MORC2: variants seen among roughly 807,000 people sequenced by gnomAD.
MORC2 encodes ATPase MORC2.
MORC2 carries 30 observed loss-of-function variants against 136.0 expected under a neutral mutation model. The observed-to-expected ratio is 0.22, with a 90% CI of 0.17 to 0.30. The LOEUF (loss-of-function observed/expected upper bound fraction) is 0.30, where lower values mean the gene tolerates loss of function less well. MORC2 is among the 10% of genes least tolerant of loss of function. The pLI, the probability that MORC2 is intolerant of heterozygous loss-of-function variation, is 1.00. For missense variants in MORC2, 922 were observed against 1,333.1 expected (o/e 0.69, Z 4.80); for synonymous variants, 439 against 487.0 (o/e 0.90, Z 1.30).
intron 16 of MORC2, 63 bp downstream of exon 16, chr22:30,936,869 G>T: frequency 6.7e-7 from 1 of 1,490,896 alleles, no homozygotes; most frequent in South Asian, 1.2e-5. Context: ...CTGACCTCAA[G>T]AAACACAGTG....
chr22:30,961,133 G>A (rs2041039959), intron 1 of MORC2, among the ~76,000 whole-genome samples: 1 of 151,692 alleles, frequency 6.6e-6, no homozygotes, highest in Non-Finnish European at 1.5e-5. Context: ...GCCTCCCAAA[G>A]TGCTGGAATT....
intron 1 of MORC2, chr22:30,967,175 A>G: frequency 1.0e-6 from 1 of 985,520 alleles, no homozygotes; most frequent in Non-Finnish European, 1.2e-6. Flanking sequence ...ATTCCAGACC[A>G]TGTTGGAGTG....
chr22:30,959,917 A>G (rs553117562), intron 1 of MORC2, among the ~76,000 whole-genome samples: 14 of 152,308 alleles, frequency 9.2e-5, no homozygotes, highest in South Asian at 2.1e-4. Context: ...CTCCAGGAAT[A>G]TTGTTTTTTC....
In MORC2 at chr22:30,939,949, G is replaced by A. The variant is rs1030059573; in HGVS notation, c.987+10C>T. The A allele has an allele frequency of 1.4e-5, 22 of 1,612,928 alleles. No homozygotes were observed. Among genetic ancestry groups the A allele is most frequent in the Non-Finnish European group, 1.7e-5 (20 of 1,179,626 alleles). The stretch of plus-strand genomic sequence containing the variant: ...ACGCTGGAGAACAGCCGCCTGGGCC[G>A]GGACCTTACCCTGGAGTCCCGCGTG... On this transcript the variant is annotated intron_variant, in intron 11 of 25. Transcript: ENST00000397641.
chr22:30,950,335 T>TCGGGGGG, intron 4 of MORC2, 42 bp downstream of exon 4: 1 of 793,582 alleles, frequency 1.3e-6, no homozygotes, highest in South Asian at 1.4e-5. Flanking sequence ...AATGGTTACA[T>TCGGGGGG]CGCACCCCCC....
chr22:30,964,455 T>C (rs896064632), intron 1 of MORC2, among the ~76,000 whole-genome samples: 3 of 152,198 alleles, frequency 2.0e-5, no homozygotes, highest in African/African-American at 7.2e-5. Context: ...GCAGACATCT[T>C]ATATCTAAGC....
chr22:30,937,819 G>A lies in MORC2; in HGVS notation c.1365C>T (p.Ala455=). 1.2e-6 allele frequency: 2 copies of A among 1,614,138 alleles called. No individual in the cohort carries two copies. Among genetic ancestry groups the A allele is most frequent in the Non-Finnish European group, 8.5e-7 (1 of 1,180,030 alleles). ...CCAGCAGCCCAGCCCCATTACCGAT[G>A]GCAATATCCTTCCAATACTGCGCCA... The part of the protein sequence containing the change: ...EHLAQYWKDI[A]IAQRGIIKFW... Residue 455 remains alanine (A), a synonymous_variant, in exon 14 of 26, where the codon GCC becomes GCT. Transcript: ENST00000397641. The surrounding 1 kb of genome is among the most constrained non-coding windows in gnomAD (Gnocchi z 4.7).
rs5994357 is a variant in MORC2, at chr22:30,953,424, G to C, written c.158-2979C>G. Among the ~76,000 whole-genome samples, 1,203 of 152,296 alleles carry C rather than the reference G, an allele frequency of 7.9e-3. 2 individuals carry two copies. The highest frequency in any genetic ancestry group is 0.017 in the Middle Eastern group (5 of 294). On this transcript the variant is annotated intron_variant, in intron 3 of 25. Coordinates refer to ENST00000397641, the MANE Select transcript of MORC2 (RefSeq NM_001303256.3). ...CCCAGAATGGCCAAGTCTGGCTTCT[G>C]CAAGCCAGACATTCTTCATCTAACT...
Position 30,940,774 on chromosome 22 carries a change from C to A in MORC2, c.888G>T (p.Glu296Asp), listed in dbSNP as rs2040732289. 1.9e-6 allele frequency: 3 copies of A among 1,614,118 alleles called. No homozygotes were observed. The highest frequency in any genetic ancestry group is 8.5e-7 in the Non-Finnish European group (1 of 1,179,986). The change falls in exon 10 of 26, where the codon GAG becomes GAT. Residue 296 changes from glutamate to aspartate, a missense_variant. This residue lies in a region of MORC2 where 261 missense variants were observed against 354.3 expected (regional missense o/e 0.74). Transcript: ENST00000397641. ...TRAEQEVKKA[E>D]HVARIAEEKA... ...TGGCATTACCAATCCTTGCTACGTG[C>A]TCTGCTTTCTTCACCTCCTGCTCCG...
At chr22:30,949,589 A>G (rs1385444457) in intron 5 of MORC2, among the ~76,000 whole-genome samples, 163 bp downstream of exon 5, 3 of 152,220 alleles carry the variant, frequency 2.0e-5, no homozygotes, top group Non-Finnish European at 4.4e-5. Context: ...TCAGCTGGGA[A>G]CAGCTGGTAA....
chr22:30,954,805 G>A (rs1260660233), intron 3 of MORC2, among the ~76,000 whole-genome samples: 1 of 152,212 alleles, frequency 6.6e-6, no homozygotes, highest in Non-Finnish European at 1.5e-5. Flanking sequence ...ATCACTTGGA[G>A]AAGAGGCCCA....
intron 25 of MORC2, 90 bp downstream of exon 25, chr22:30,927,929 T>G (rs5997811): frequency 1.4e-6 from 2 of 1,477,774 alleles, no homozygotes; most frequent in African/African-American, 2.8e-5. Flanking sequence ...TGTGAGTGGA[T>G]AGATTCTTGT....
At position 30,949,821 on chromosome 22, in the gene MORC2, T is replaced by C; in HGVS notation, c.248A>G (p.Gln83Arg). Residue 83 changes from glutamine (Q) to arginine (R), a missense_variant, in exon 5 of 26, where the codon CAG (glutamine) becomes CGG (arginine). Physicochemically the swap from Gln to Arg is conservative, Grantham distance 43. Around this residue, in one of 9 missense-constraint regions of MORC2, gnomAD observed 57 missense variants for 71.8 expected, o/e 0.79. Coordinates refer to ENST00000397641, the MANE Select transcript of MORC2 (RefSeq NM_001303256.3). ...TGTTCGCTTGGCCGACTTCCCAAACTGGATCACACTGGCAGCATCACCTGA... is the reference window on the plus strand; with the variant it reads ...TGTTCGCTTGGCCGACTTCCCAAACCGGATCACACTGGCAGCATCACCTGA... ...MDPSDAASVI[Q>R]FGKSAKRTPE... 1 of 1,614,148 alleles carries C rather than the reference T, an allele frequency of 6.2e-7. No homozygotes were observed. Among genetic ancestry groups the C allele is most frequent in the Non-Finnish European group, 8.5e-7 (1 of 1,180,014 alleles).
rs79984745 is a variant in MORC2 at position 30,933,593 on chromosome 22, C to A, written c.2326-73G>T. ...GCAGACTTGTGCCTTACTGGCCACC[C>A]GGGGTCATCAGCCATCATCTTCACG... is the stretch of plus-strand genomic sequence containing the variant. On this transcript the variant is annotated intron_variant, in intron 20 of 25. Coordinates refer to ENST00000397641, the MANE Select transcript of MORC2 (RefSeq NM_001303256.3). 2.4e-3 allele frequency: 3,516 copies of A among 1,478,506 alleles called. 51 individuals are homozygous for A. In the African/African-American group the frequency reaches 0.037, roughly 15 times the overall value. The allele number at this position is 1,478,506 out of a possible 1,614,324, so 91.6% of individuals were successfully genotyped here. A position where few individuals can be genotyped will look rare whatever the true frequency, so the allele number is the denominator to read the frequency against.
chr22:30,954,941 C>G (rs1290282574), intron 3 of MORC2, among the ~76,000 whole-genome samples: 2 of 148,138 alleles, frequency 1.4e-5, no homozygotes, highest in Non-Finnish European at 3.0e-5. Flanking sequence ...GCACCTCCAT[C>G]TGGCCTGAGC....
Position 30,928,127 on chromosome 22 carries a change from C to T in MORC2, c.2922G>A (p.Lys974=). Reference sequence around the variant, plus strand: ...AGGTGCGCAGGCTTTCCTCGGAGGCCTTGGCCCGGGAGTCAGCACGGCTCT... The same window carrying T: ...AGGTGCGCAGGCTTTCCTCGGAGGCTTTGGCCCGGGAGTCAGCACGGCTCT... The part of the protein sequence containing the change: ...SYQSRADSRA[K]ASEESLRTSE... The change falls in exon 25 of 26, where the codon AAG becomes AAA. Residue 974 remains lysine (K), a synonymous_variant. Coordinates refer to ENST00000397641, the MANE Select transcript of MORC2 (RefSeq NM_001303256.3). 1 of 1,614,116 alleles carries T rather than the reference C, an allele frequency of 6.2e-7. No homozygotes were observed. The highest frequency in any genetic ancestry group is 1.6e-4 in the Middle Eastern group (1 of 6,062).
intron 1 of MORC2, chr22:30,958,897 G>C: frequency 2.0e-6 from 1 of 496,168 alleles, no homozygotes; most frequent in South Asian, 2.7e-5. Flanking sequence ...CATCTATTCA[G>C]AAATGATTAT....
chr22:30,949,910 G>T, intron 4 of MORC2, 68 bp from the exon 5 acceptor site: 1 of 1,438,134 alleles, frequency 7.0e-7, no homozygotes, highest in Non-Finnish European at 9.7e-7. Context: ...AAAGTCAAAG[G>T]TCTGAGCCTT....
rs2040751786 is a variant in MORC2 at position 30,942,197 on chromosome 22, A to G, written c.501T>C (p.Ile167=). The part of the protein sequence containing the change: ...PVTDNVEKFA[I]ETELIYKYSP... ...AGTACTTATAGATGAGTTCTGTCTCAATGGCAAATTTCTCTACATTGTCTG... is the reference window on the plus strand; with the variant it reads ...AGTACTTATAGATGAGTTCTGTCTCGATGGCAAATTTCTCTACATTGTCTG... Residue 167 remains isoleucine, a synonymous_variant, in exon 7 of 26, where the codon ATT becomes ATC. Coordinates refer to ENST00000397641, the MANE Select transcript of MORC2 (RefSeq NM_001303256.3). 5 of 1,614,042 alleles carry G rather than the reference A, an allele frequency of 3.1e-6. No homozygotes were observed. The highest frequency in any genetic ancestry group is 4.2e-6 in the Non-Finnish European group (5 of 1,180,024).
Sources: allele counts gnomAD v4.1 joint callset (sites outside exome capture counted in the v4.1 genomes callset), GRCh38; gene constraint gnomAD v4.1.1; regional missense constraint gnomAD v4.1.1; non-coding constraint Gnocchi (gnomAD v3.1); transcripts MANE v1.5; gene names NCBI Gene and HGNC (gene_info 2026-07-23, HGNC 2026-07-21).